The following NAV2 variants were observed in gnomAD, a reference collection of about 807,000 sequenced individuals.
NAV2 encodes the protein helicase, APC down-regulated 1.
In NAV2, 54 loss-of-function variants were observed where a neutral mutation model predicts 223.2. That is an observed-to-expected ratio of 0.24 (90% CI 0.19 to 0.30). NAV2 has a LOEUF of 0.30. Among genes scored for constraint, NAV2 ranks in the 10% least tolerant of loss-of-function variants. The pLI is 1.00. For missense variants in NAV2, 2,806 were observed against 3,147.5 expected, an observed-to-expected ratio of 0.89 and a Z score of 2.60; for synonymous variants, 1,279 against 1,239.3, an observed-to-expected ratio of 1.03 and a Z score of -0.67.
chr11:20,010,341 C>A (rs767771888), intron 11 of NAV2, among the ~76,000 whole-genome samples: 1 of 152,140 alleles, frequency 6.6e-6, no homozygotes, highest in Admixed American at 6.5e-5. Flanking sequence ...TGTCTGCTCC[C>A]GTGGATCAGG....
intron 1 of NAV2, among the ~76,000 whole-genome samples, chr11:19,781,875 A>C (rs2056776028): frequency 6.6e-6 from 1 of 152,104 alleles, no homozygotes; most frequent in Non-Finnish European, 1.5e-5. Flanking sequence ...AATGATTCCC[A>C]CTATCAAACT....
chr11:19,745,451 G>C (rs1189928370), intron 1 of NAV2, among the ~76,000 whole-genome samples: 1 of 152,034 alleles, frequency 6.6e-6, no homozygotes, highest in African/African-American at 2.4e-5. Context: ...GTTGGCCCTC[G>C]ATTTTGTCCC....
chr11:19,371,395 T>C (rs1848464499), intron 1 of NAV2, among the ~76,000 whole-genome samples: 1 of 152,132 alleles, frequency 6.6e-6, no homozygotes, highest in Non-Finnish European at 1.5e-5. Context: ...CCCTCCCTCA[T>C]TTTACAGGTT....
In NAV2 at chr11:19,841,105, T is replaced by C. The variant is rs112745402; in HGVS notation, c.386-1766T>C. Among the ~76,000 whole-genome samples, 319 of 152,238 alleles carry C rather than the reference T, an allele frequency of 2.1e-3. 1 individual carries two copies. Among genetic ancestry groups the C allele is most frequent in the African/African-American group, 7.2e-3 (299 of 41,534 alleles). On this transcript the variant is annotated intron_variant, in intron 2 of 37. Coordinates refer to ENST00000349880, the MANE Select transcript of NAV2 (RefSeq NM_145117.5). ...CCTAGTGTTCTTATATTAAGAGGAG[T>C]TGAGAAAATGCAATTAGATCTCTGA...
intron 1 of NAV2, among the ~76,000 whole-genome samples, chr11:19,681,410 G>A (rs1278757830): frequency 6.6e-6 from 1 of 152,198 alleles, no homozygotes; most frequent in Admixed American, 6.5e-5. Flanking sequence ...GTCAGTTAGT[G>A]ATAGAGTTAG....
chr11:20,111,038 G>A (rs1401498635), intron 36 of NAV2, among the ~76,000 whole-genome samples: 2 of 152,182 alleles, frequency 1.3e-5, no homozygotes, highest in African/African-American at 4.8e-5. Context: ...AGGTACACCC[G>A]TGCCAGGAGG....
intron 1 of NAV2, among the ~76,000 whole-genome samples, chr11:19,623,416 T>C (rs1337969671): frequency 6.6e-6 from 1 of 152,208 alleles, no homozygotes; most frequent in Non-Finnish European, 1.5e-5. Flanking sequence ...CAGACGTAGA[T>C]TTGGTCTTTT....
chr11:19,360,707 A>G (rs1405090788), intron 1 of NAV2, among the ~76,000 whole-genome samples: 1 of 152,088 alleles, frequency 6.6e-6, no homozygotes, highest in Non-Finnish European at 1.5e-5. Flanking sequence ...TCTCTAATCT[A>G]TTGGGAAAAA....
intron 1 of NAV2, among the ~76,000 whole-genome samples, chr11:19,564,186 G>C (rs7105682): frequency 0.088 from 13,355 of 152,052 alleles, 1,891 homozygotes; most frequent in African/African-American, 0.3. Flanking sequence ...GCAGTGACAA[G>C]AGCCACCAGC....
At chr11:19,840,737 TGAAA>T (rs2060469410) in intron 2 of NAV2, among the ~76,000 whole-genome samples, 1 of 152,232 alleles carries the variant, frequency 6.6e-6, no homozygotes, top group Non-Finnish European at 1.5e-5. Flanking sequence ...GATAGCTGCC[TGAAA>T]ATAGGCAGCT....
At chr11:19,474,897 C>T (rs1387485956) in intron 1 of NAV2, among the ~76,000 whole-genome samples, 2 of 152,212 alleles carry the variant, frequency 1.3e-5, no homozygotes, top group East Asian at 1.9e-4. Context: ...TCACAAGCCC[C>T]GTCTCATCTG....
chr11:19,825,723 T>C (rs2059615414), intron 1 of NAV2, among the ~76,000 whole-genome samples: 1 of 152,238 alleles, frequency 6.6e-6, no homozygotes, highest in Admixed American at 6.5e-5. Context: ...TTTAACATGG[T>C]ACAATTATTA....
At chr11:19,528,432 G>A (rs2043912148) in intron 1 of NAV2, among the ~76,000 whole-genome samples, 1 of 152,080 alleles carries the variant, frequency 6.6e-6, no homozygotes, top group African/African-American at 2.4e-5. Flanking sequence ...TACTGAAACT[G>A]CAGGTGAGTC....
intron 1 of NAV2, among the ~76,000 whole-genome samples, chr11:19,429,800 T>A (rs1360765499): frequency 1.3e-5 from 2 of 152,246 alleles, no homozygotes; most frequent in African/African-American, 4.8e-5. Context: ...CCTGAGACCG[T>A]GCAACCAGTT....
At chr11:19,358,099 T>C (rs1209666867) in intron 1 of NAV2, among the ~76,000 whole-genome samples, 1 of 152,192 alleles carries the variant, frequency 6.6e-6, no homozygotes, top group Non-Finnish European at 1.5e-5. Context: ...ATCACAATAA[T>C]GACATCTCTG....
intron 1 of NAV2, among the ~76,000 whole-genome samples, chr11:19,592,533 T>C (rs2046090267): frequency 6.6e-6 from 1 of 152,174 alleles, no homozygotes; most frequent in African/African-American, 2.4e-5. Flanking sequence ...TGGGCAAAGA[T>C]TTTTATCTTA....
At chr11:19,421,433 C>T (rs1385784335) in intron 1 of NAV2, among the ~76,000 whole-genome samples, 1 of 152,156 alleles carries the variant, frequency 6.6e-6, no homozygotes, top group African/African-American at 2.4e-5. Context: ...GGCTCACATG[C>T]TCCAAGGTGT....
intron 1 of NAV2, among the ~76,000 whole-genome samples, chr11:19,760,719 G>A (rs2054667836): frequency 6.6e-6 from 1 of 152,126 alleles, no homozygotes; most frequent in Non-Finnish European, 1.5e-5. Flanking sequence ...TTAGCTAGGA[G>A]AACCAAATGT....
At chr11:19,401,030 A>G (rs1849662624) in intron 1 of NAV2, among the ~76,000 whole-genome samples, 2 of 152,354 alleles carry the variant, frequency 1.3e-5, no homozygotes, top group Admixed American at 1.3e-4. Flanking sequence ...TGCTGCCAGA[A>G]TAACTCCTAC....
Sources: allele counts gnomAD v4.1 joint callset (sites outside exome capture counted in the v4.1 genomes callset), GRCh38; gene constraint gnomAD v4.1.1; transcripts MANE v1.5; gene names NCBI Gene and HGNC (gene_info 2026-07-23, HGNC 2026-07-21).